EML1: variants seen among roughly 807,000 people sequenced by gnomAD.
The protein encoded by EML1 is echinoderm microtubule-associated protein-like 1.
In EML1, 27 loss-of-function variants were observed where a neutral mutation model predicts 110.4. That is an observed-to-expected ratio of 0.24 (90% CI 0.18 to 0.34). EML1 has a LOEUF of 0.34. Among genes scored for constraint, EML1 ranks in the 10% least tolerant of loss-of-function variants. EML1 has a pLI of 1.00. For synonymous variants in EML1, 344 were observed against 385.8 expected (o/e 0.89, Z 1.27); for missense variants, 741 against 1,030.9 (o/e 0.72, Z 3.85).
intron 12 of EML1, among the ~76,000 whole-genome samples, chr14:99,910,792 A>ATCCCCTGCTGT (rs1566933090): frequency 6.6e-6 from 1 of 152,194 alleles, no homozygotes; most frequent in Non-Finnish European, 1.5e-5. Context: ...CTGTGAGCAA[A>ATCCCCTGCTGT]CAGTTTGCTA....
intron 1 of EML1, among the ~76,000 whole-genome samples, chr14:99,746,690 C>T (rs146565353): frequency 4.1e-4 from 63 of 152,242 alleles, no homozygotes; most frequent in African/African-American, 1.4e-3. Flanking sequence ...TCGCACCCCA[C>T]GCCCTGGGCC....
Position 99,905,987 on chromosome 14 carries a change from G to A in EML1, c.1009-1651G>A, listed in dbSNP as rs1462083969. On this transcript the variant is annotated intron_variant, in intron 9 of 21. Transcript: ENST00000262233. This position sits in a 1 kb window ranked among gnomAD's most constrained non-coding sequence, Gnocchi z 4.1. ...GTACAGATGATTTTTCTTTGCATCA[G>A]GGGTCTCCAGTATCATCCCTTTGGG... 3.9e-5 allele frequency among the ~76,000 whole-genome samples: 6 copies of A among 152,086 alleles called. No homozygotes were observed. Among genetic ancestry groups the A allele is most frequent in the Non-Finnish European group, 7.4e-5 (5 of 68,022 alleles).
chr14:99,808,500 G>A (rs541908475), intron 1 of EML1, among the ~76,000 whole-genome samples: 36 of 152,296 alleles, frequency 2.4e-4, no homozygotes, highest in Middle Eastern at 3.4e-3. Flanking sequence ...GAGTCAGAGT[G>A]TAAGAACTTC....
intron 12 of EML1, 54 bp downstream of exon 12, chr14:99,910,395 C>A: frequency 7.3e-7 from 1 of 1,371,264 alleles, no homozygotes; most frequent in Non-Finnish European, 1.0e-6. Flanking sequence ...TGTAAGAGAT[C>A]AAACATGAGT....
intron 1 of EML1, among the ~76,000 whole-genome samples, chr14:99,798,618 A>G (rs2057819875): frequency 6.6e-6 from 1 of 152,016 alleles, no homozygotes; most frequent in Admixed American, 6.5e-5. Flanking sequence ...TCTCGAAGTC[A>G]TGACCTCAGG....
chr14:99,825,676 C>A (rs2058340326), intron 1 of EML1, among the ~76,000 whole-genome samples: 1 of 152,182 alleles, frequency 6.6e-6, no homozygotes. Flanking sequence ...TTATTGTCAG[C>A]ACCTGGAGCC....
chr14:99,771,301 A>G (rs1036364163), upstream of EML1, among the ~76,000 whole-genome samples: 5 of 152,106 alleles, frequency 3.3e-5, no homozygotes, highest in African/African-American at 1.2e-4. Flanking sequence ...GGTTTTGCCT[A>G]TTCTGGACGT....
At chr14:99,798,436 A>G (rs2057816281) in intron 1 of EML1, among the ~76,000 whole-genome samples, 1 of 141,758 alleles carries the variant, frequency 7.1e-6, no homozygotes, top group Admixed American at 7.4e-5. Context: ...TCTGTCGCCC[A>G]GGCTGGAGTG....
Position 99,899,205 on chromosome 14 carries a change from A to G in EML1, c.897+903A>G, listed in dbSNP as rs576583192. On this transcript the variant is annotated intron_variant, in intron 8 of 21. Coordinates refer to ENST00000262233, the MANE Select transcript of EML1 (RefSeq NM_004434.3). ...TATTTTATCTGAAACTAATTTAAGTACATACATTTTATCAACATGTTTTCA... is the reference window on the plus strand; with the variant it reads ...TATTTTATCTGAAACTAATTTAAGTGCATACATTTTATCAACATGTTTTCA... Among the ~76,000 whole-genome samples the G allele has an allele frequency of 5.9e-5, 9 of 152,364 alleles. No homozygotes were observed. The South Asian group carries it at 1.9e-3, about 32-fold the overall frequency.
chr14:99,738,103 C>T (rs2140154942), intron 1 of EML1, among the ~76,000 whole-genome samples: 1 of 152,322 alleles, frequency 6.6e-6, no homozygotes. Flanking sequence ...CTGATTCAAG[C>T]TCTCCTGGGG....
chr14:99,885,720 G>T (rs980786111), intron 4 of EML1, among the ~76,000 whole-genome samples: 1 of 152,230 alleles, frequency 6.6e-6, no homozygotes, highest in Admixed American at 6.5e-5. Context: ...GAGACTGTTA[G>T]CTGAGGAGTC....
chr14:99,889,655 G>A (rs1219245115), intron 4 of EML1, among the ~76,000 whole-genome samples: 2 of 152,150 alleles, frequency 1.3e-5, no homozygotes, highest in East Asian at 1.9e-4. Flanking sequence ...GTCCAGGAGG[G>A]CCCATGAGCC....
At chr14:99,844,807 T>A (rs532488011) in intron 1 of EML1, among the ~76,000 whole-genome samples, 5 of 152,348 alleles carry the variant, frequency 3.3e-5, no homozygotes, top group Admixed American at 2.6e-4. Context: ...GCTTTCTTCA[T>A]TCAGTATAAT....
chr14:99,932,483 G>T (rs1010472190), intron 17 of EML1, among the ~76,000 whole-genome samples: 1 of 151,666 alleles, frequency 6.6e-6, no homozygotes, highest in Non-Finnish European at 1.5e-5. Context: ...CTAAAAATAC[G>T]AAATAATTAG....
chr14:99,809,704 G>T (rs943810967), intron 1 of EML1: 1 of 456,010 alleles, frequency 2.2e-6, no homozygotes, highest in Non-Finnish European at 4.4e-6. Flanking sequence ...TTGCTAGTTG[G>T]ATTTGGCCTG....
rs547832449 is a variant in EML1 at position 99,781,347 on chromosome 14, C to T, written c.-27+7334C>T. 6.6e-6 allele frequency among the ~76,000 whole-genome samples: 1 copy of T among 152,218 alleles called. No individual in the cohort carries two copies. Among genetic ancestry groups the T allele is most frequent in the South Asian group, 2.1e-4 (1 of 4,820 alleles). ...TTGCTCATGGGGTGTGCCTCCCATG[C>T]TGTATGGCATCCTCACTGCCAAGGC... On this transcript the variant is annotated intron_variant, in intron 1 of 22. Transcript: ENST00000327921. This position sits in a 1 kb window ranked among gnomAD's most constrained non-coding sequence, Gnocchi z 4.2.
intron 1 of EML1, among the ~76,000 whole-genome samples, chr14:99,775,507 C>A (rs2057472030): frequency 6.6e-6 from 1 of 152,174 alleles, no homozygotes; most frequent in South Asian, 2.1e-4. Flanking sequence ...AAGTGCTTCA[C>A]TTCACAGGCA....
At chr14:99,759,144 T>G (rs1885595) in intron 1 of EML1, among the ~76,000 whole-genome samples, 142,470 of 152,308 alleles carry the variant, frequency 0.94, 66,961 homozygotes, top group East Asian at 1. Context: ...ACTGGGCTGG[T>G]AGTCAGGGTG....
Position 99,914,161 on chromosome 14 carries a change from T to C in EML1, c.1495-18T>C. On this transcript the variant is annotated intron_variant, in intron 13 of 21. Coordinates refer to ENST00000262233, the MANE Select transcript of EML1 (RefSeq NM_004434.3). The stretch of plus-strand genomic sequence containing the variant: ...TGAAATTGTACATCTTTTCTTTTCA[T>C]ATGACTTTTCAATGCAGATTCCAGA... 2 of 1,592,500 alleles carry C rather than the reference T, an allele frequency of 1.3e-6. No homozygotes were observed. Among genetic ancestry groups the C allele is most frequent in the South Asian group, 1.1e-5 (1 of 89,630 alleles).
Sources: gnomAD v4.1 joint callset for allele counts (sites outside exome capture counted in the v4.1 genomes callset) on GRCh38, gnomAD v4.1.1 for gene constraint, Gnocchi (gnomAD v3.1) non-coding constraint, MANE v1.5 for transcripts, NCBI Gene and HGNC (gene_info 2026-07-23, HGNC 2026-07-21) for gene names.